TSPEAR: variants seen among roughly 807,000 people sequenced by gnomAD.
TSPEAR encodes thrombospondin-type laminin G domain and EAR repeat-containing protein.
TSPEAR carries 69 observed loss-of-function variants against 71.6 expected under a neutral mutation model. That is an observed-to-expected ratio of 0.96 (90% CI 0.79 to 1.18). The LOEUF is 1.18. Among genes scored for constraint, TSPEAR ranks in the 50% most tolerant of loss-of-function variants. The pLI is 0.00. For missense variants in TSPEAR, 971 were observed against 894.9 expected (o/e 1.09, Z -1.09); for synonymous variants, 402 against 387.2 (o/e 1.04, Z -0.45).
At chr21:44,663,008 C>CA (rs1436361741) in intron 1 of TSPEAR, among the ~76,000 whole-genome samples, 18 of 149,308 alleles carry the variant, frequency 1.2e-4, no homozygotes, top group Non-Finnish European at 1.8e-4. Context: ...CTTATATTCA[C>CA]AAAGAAGAAA....
chr21:44,689,712 A>ATATATATGTATATATATATATATAT (rs1555949491), intron 1 of TSPEAR, among the ~76,000 whole-genome samples: 1 of 62,038 alleles, frequency 1.6e-5, no homozygotes, highest in Non-Finnish European at 2.8e-5. Context: ...GAATAGAATG[A>ATATATATGTATATATATATATATAT]ATATATATAT....
intron 1 of TSPEAR, among the ~76,000 whole-genome samples, chr21:44,657,694 A>G (rs1985232331): frequency 2.0e-5 from 3 of 152,244 alleles, no homozygotes; most frequent in Non-Finnish European, 4.4e-5. Flanking sequence ...GCACGGTAGT[A>G]GCCTGAAAAA....
At chr21:44,701,221 C>T (rs374327177) in intron 1 of TSPEAR, among the ~76,000 whole-genome samples, 21 of 152,354 alleles carry the variant, frequency 1.4e-4, no homozygotes, top group African/African-American at 5.1e-4. Flanking sequence ...GTGCCCAGAG[C>T]TCCCACCATC....
chr21:44,680,308 A>C (rs1986518644), intron 1 of TSPEAR, among the ~76,000 whole-genome samples: 1 of 152,224 alleles, frequency 6.6e-6, no homozygotes, highest in South Asian at 2.1e-4. Flanking sequence ...ATCACTAATC[A>C]TCAGGGAACT....
chr21:44,681,914 G>A, intron 1 of TSPEAR: 1 of 1,614,134 alleles, frequency 6.2e-7, no homozygotes, highest in South Asian at 1.1e-5. Flanking sequence ...CAGAGGACTG[G>A]CAGGAGGGAG....
intron 1 of TSPEAR, chr21:44,675,797 G>A (rs1986286380): frequency 9.0e-6 from 5 of 555,498 alleles, no homozygotes; most frequent in East Asian, 3.2e-5. Context: ...GGACCCTTGC[G>A]GCAAACCCTT....
At chr21:44,529,494 ACTTT>A (rs1261591252) in intron 5 of TSPEAR, among the ~76,000 whole-genome samples, 2 of 152,106 alleles carry the variant, frequency 1.3e-5, no homozygotes, top group Non-Finnish European at 2.9e-5. Flanking sequence ...CTCTGGACAG[ACTTT>A]CTAAAGTAAG....
chr21:44,702,647 C>T, intron 1 of TSPEAR: 1 of 1,583,450 alleles, frequency 6.3e-7, no homozygotes, highest in East Asian at 2.2e-5. Flanking sequence ...TGCAGGCCCA[C>T]CTGCTGCATG....
intron 1 of TSPEAR, chr21:44,698,052 T>A: frequency 7.6e-7 from 1 of 1,311,714 alleles, no homozygotes; most frequent in Non-Finnish European, 1.1e-6. Context: ...CTCTGGTGTC[T>A]GTCTCTTCCT....
At chr21:44,654,244 C>T (rs1555942013) in intron 1 of TSPEAR, 6 of 1,568,462 alleles carry the variant, frequency 3.8e-6, no homozygotes, top group Middle Eastern at 1.8e-4. Flanking sequence ...CTTCTGACCT[C>T]GCACCTACGA....
At chr21:44,565,756 T>C (rs1481990543) in intron 2 of TSPEAR, among the ~76,000 whole-genome samples, 1 of 152,186 alleles carries the variant, frequency 6.6e-6, no homozygotes. Flanking sequence ...GTTAATATTA[T>C]ACTTAGTGGG....
chr21:44,700,796 C>T (rs534207040), intron 1 of TSPEAR, among the ~76,000 whole-genome samples: 2 of 152,358 alleles, frequency 1.3e-5, no homozygotes, highest in African/African-American at 4.8e-5. Context: ...CCAATAAAAA[C>T]AGTGGCTGAC....
At chr21:44,698,085 C>G in intron 1 of TSPEAR, 1 of 1,032,390 alleles carries the variant, frequency 9.7e-7, no homozygotes, top group Non-Finnish European at 1.4e-6. Flanking sequence ...CACAGCCTCT[C>G]TTCCCCTAAG....
At chr21:44,551,006 G>C in intron 2 of TSPEAR, 1 of 1,609,936 alleles carries the variant, frequency 6.2e-7, no homozygotes, top group Non-Finnish European at 8.5e-7. Context: ...AGGTGGGCAC[G>C]CAGCACACAG....
At chr21:44,654,930 G>T (rs1257653448) in intron 1 of TSPEAR, among the ~76,000 whole-genome samples, 2 of 152,098 alleles carry the variant, frequency 1.3e-5, no homozygotes, top group African/African-American at 2.4e-5. Context: ...GATGTTCAAG[G>T]TCCCCCCGTT....
At chr21:44,673,170 A>T (rs587694627) in intron 1 of TSPEAR, among the ~76,000 whole-genome samples, 8 of 152,378 alleles carry the variant, frequency 5.3e-5, no homozygotes, top group South Asian at 2.1e-4. Flanking sequence ...AACTAGTCAT[A>T]TATAAGGAAA....
intron 9 of TSPEAR, among the ~76,000 whole-genome samples, chr21:44,521,572 C>CG (rs587655484): frequency 4.2e-4 from 64 of 152,336 alleles, no homozygotes; most frequent in African/African-American, 1.4e-3. Flanking sequence ...GTTCTGAGCC[C>CG]GGGGGCTGCT....
intron 1 of TSPEAR, among the ~76,000 whole-genome samples, chr21:44,692,301 A>G (rs1987154564): frequency 6.6e-6 from 1 of 152,238 alleles, no homozygotes; most frequent in Admixed American, 6.5e-5. Context: ...GGAACAAGAC[A>G]GGATGTCCCT....
At chr21:44,684,548 CTG>C (rs1184668490) in intron 1 of TSPEAR, among the ~76,000 whole-genome samples, 4 of 152,218 alleles carry the variant, frequency 2.6e-5, no homozygotes, top group Non-Finnish European at 5.9e-5. Flanking sequence ...ACCCCAGAAA[CTG>C]AGATTGAAGT....
Sources: allele counts gnomAD v4.1 joint callset (sites outside exome capture counted in the v4.1 genomes callset), GRCh38; gene constraint gnomAD v4.1.1; transcripts MANE v1.5; gene names NCBI Gene and HGNC (gene_info 2026-07-23, HGNC 2026-07-21).